FTCDNL1: variants seen among roughly 807,000 people sequenced by gnomAD.
The protein encoded by FTCDNL1 is formiminotransferase N-terminal subdomain-containing protein.
In FTCDNL1, 11 loss-of-function variants were observed where a neutral mutation model predicts 5.9. That is an observed-to-expected ratio of 1.87 (90% CI 1.18 to 3.10). The LOEUF is 3.10. Among genes scored for constraint, FTCDNL1 ranks in the 30% most tolerant of loss-of-function variants. The pLI is 0.00. For synonymous variants in FTCDNL1, 58 were observed against 24.8 expected (o/e 2.34, Z -3.99); for missense variants, 115 against 65.5 (o/e 1.76, Z -2.61).
At chr2:199,716,605 CA>C in the FTCDNL1 span, among the ~76,000 whole-genome samples, 2 of 152,078 alleles carry the variant, frequency 1.3e-5, no homozygotes, top group African/African-American at 4.8e-5. Context: ...CCCCACAAAA[CA>C]ATGGAGCATA....
the FTCDNL1 span, among the ~76,000 whole-genome samples, chr2:199,720,802 T>TC: frequency 6.6e-6 from 1 of 152,130 alleles, no homozygotes; most frequent in African/African-American, 2.4e-5. Flanking sequence ...TTTTTTTTTT[T>TC]CAAGGAGAAA....
intron 3 of FTCDNL1, among the ~76,000 whole-genome samples, chr2:199,842,798 G>T (rs1190093822): frequency 6.6e-6 from 1 of 152,148 alleles, no homozygotes; most frequent in East Asian, 1.9e-4. Flanking sequence ...TCCAGAGAAA[G>T]TTAGCTGATT....
the FTCDNL1 span, among the ~76,000 whole-genome samples, chr2:199,739,946 C>T: frequency 8.2e-3 from 1,244 of 152,150 alleles, 5 homozygotes; most frequent in Middle Eastern, 0.02. Flanking sequence ...GTGGGGTTTG[C>T]GAACTCTGGG....
chr2:199,756,544 G>A (rs1374626430), downstream of FTCDNL1, among the ~76,000 whole-genome samples: 1 of 152,122 alleles, frequency 6.6e-6, no homozygotes, highest in African/African-American at 2.4e-5. Context: ...ATGTTAACCT[G>A]GCCAAATACA....
the FTCDNL1 span, among the ~76,000 whole-genome samples, chr2:199,751,131 G>T: frequency 6.6e-6 from 1 of 152,098 alleles, no homozygotes; most frequent in African/African-American, 2.4e-5. Context: ...ACCTCCCTTC[G>T]CCTCTGTCTC....
intron 3 of FTCDNL1, among the ~76,000 whole-genome samples, chr2:199,836,666 G>A (rs1702765563): frequency 2.0e-5 from 3 of 152,138 alleles, no homozygotes; most frequent in Admixed American, 2.0e-4. Context: ...TTCGGGAGGT[G>A]GAGGTGGCAG....
chr2:199,830,511 A>G (rs1178651648), intron 3 of FTCDNL1, among the ~76,000 whole-genome samples: 6 of 152,166 alleles, frequency 3.9e-5, no homozygotes, highest in Admixed American at 3.9e-4. Context: ...GCTGTTAAGA[A>G]TTGTCTCCCA....
the FTCDNL1 span, among the ~76,000 whole-genome samples, chr2:199,739,896 T>C: frequency 2.6e-5 from 4 of 152,134 alleles, no homozygotes; most frequent in Admixed American, 2.6e-4. Context: ...GTAGAAGAAC[T>C]TCAGTATGGG....
downstream of FTCDNL1, among the ~76,000 whole-genome samples, chr2:199,760,024 T>C (rs1397314857): frequency 1.3e-5 from 2 of 152,216 alleles, no homozygotes; most frequent in African/African-American, 2.4e-5. Context: ...TAGGGATTTA[T>C]GTCAATCACT....
chr2:199,833,539 T>C (rs1261082536), intron 3 of FTCDNL1, among the ~76,000 whole-genome samples: 1 of 152,234 alleles, frequency 6.6e-6, no homozygotes, highest in Non-Finnish European at 1.5e-5. Context: ...GCCTTGGGGA[T>C]GGCCAGGAAT....
intron 3 of FTCDNL1, among the ~76,000 whole-genome samples, chr2:199,829,087 C>A (rs1005784433): frequency 6.6e-6 from 1 of 152,152 alleles, no homozygotes; most frequent in African/African-American, 2.4e-5. Context: ...ATATGAATCA[C>A]CTGTTCAGAA....
At chr2:199,727,727 C>G in the FTCDNL1 span, among the ~76,000 whole-genome samples, 1 of 152,072 alleles carries the variant, frequency 6.6e-6, no homozygotes, top group African/African-American at 2.4e-5. Context: ...CCTTCCCATC[C>G]CTTGCCTTAT....
intron 3 of FTCDNL1, among the ~76,000 whole-genome samples, chr2:199,830,288 G>T (rs1702284970): frequency 6.6e-6 from 1 of 152,020 alleles, no homozygotes; most frequent in Admixed American, 6.6e-5. Flanking sequence ...ACTAAAACTG[G>T]CCGATTAATC....
chr2:199,751,518 T>C, the FTCDNL1 span, among the ~76,000 whole-genome samples: 1,027 of 152,128 alleles, frequency 6.8e-3, 9 homozygotes, highest in Admixed American at 0.016. Context: ...CATTAGTGCA[T>C]ATTTGGTGGG....
At chr2:199,716,151 C>A in the FTCDNL1 span, among the ~76,000 whole-genome samples, 2 of 151,556 alleles carry the variant, frequency 1.3e-5, no homozygotes, top group African/African-American at 4.9e-5. Flanking sequence ...TAAGATTGAG[C>A]AGCACTGTCT....
the FTCDNL1 span, among the ~76,000 whole-genome samples, chr2:199,672,604 T>C: frequency 7.9e-5 from 12 of 152,142 alleles, 1 homozygote; most frequent in South Asian, 2.1e-3. Flanking sequence ...GTGGCTGGGA[T>C]TGAGGTCATC....
chr2:199,817,652 G>A (rs1304685263), intron 4 of FTCDNL1, among the ~76,000 whole-genome samples: 1 of 151,670 alleles, frequency 6.6e-6, no homozygotes, highest in Non-Finnish European at 1.5e-5. Context: ...ATGAGGTGGG[G>A]GAATCACCTG....
chr2:199,831,178 G>A (rs769958), intron 3 of FTCDNL1, among the ~76,000 whole-genome samples: 97,498 of 151,976 alleles, frequency 0.64, 31,491 homozygotes, highest in South Asian at 0.76. Flanking sequence ...GTTTATTATT[G>A]GCATGACAGT....
chr2:199,679,491 C>G, the FTCDNL1 span, among the ~76,000 whole-genome samples: 2 of 152,026 alleles, frequency 1.3e-5, no homozygotes, highest in Non-Finnish European at 2.9e-5. Context: ...GATATTTGAC[C>G]TTACCACTAG....
Sources: gnomAD v4.1 joint callset for allele counts (sites outside exome capture counted in the v4.1 genomes callset) on GRCh38, gnomAD v4.1.1 for gene constraint, MANE v1.5 for transcripts, NCBI Gene and HGNC (gene_info 2026-07-23, HGNC 2026-07-21) for gene names.